Variants in MPPED2 observed in about 807,000 individuals in gnomAD.
MPPED2 encodes metallophosphoesterase MPPED2.
A neutral mutation model predicts 33.0 loss-of-function variants in MPPED2; 5 were observed. The ratio of observed to expected loss-of-function variants is 0.15; its 90% CI spans 0.08 to 0.32. The LOEUF is 0.32. MPPED2 is among the 10% of genes least tolerant of loss of function. The pLI is 1.00. For missense variants in MPPED2, 275 were observed against 372.1 expected, an observed-to-expected ratio of 0.74 and a Z score of 2.15; for synonymous variants, 136 against 141.9, an observed-to-expected ratio of 0.96 and a Z score of 0.29.
At chr11:30,436,911 T>C (rs926980097) in intron 4 of MPPED2, among the ~76,000 whole-genome samples, 1 of 152,160 alleles carries the variant, frequency 6.6e-6, no homozygotes, top group Admixed American at 6.5e-5. Context: ...TAGAGATAAA[T>C]AAAGACATCA....
intron 2 of MPPED2, among the ~76,000 whole-genome samples, chr11:30,579,568 G>A (rs945368909): frequency 1.3e-5 from 2 of 152,246 alleles, no homozygotes; most frequent in Middle Eastern, 3.4e-3. Context: ...CTGGGTTTCT[G>A]CCACACTTTG....
chr11:30,452,424 T>C (rs1282241204), intron 4 of MPPED2, among the ~76,000 whole-genome samples: 2 of 152,242 alleles, frequency 1.3e-5, no homozygotes, highest in Non-Finnish European at 2.9e-5. Context: ...ACTCTGACTT[T>C]CCTTCAGGCG....
chr11:30,519,601 G>T (rs551165451), intron 3 of MPPED2, among the ~76,000 whole-genome samples: 1 of 152,034 alleles, frequency 6.6e-6, no homozygotes, highest in East Asian at 1.9e-4. Context: ...ACATTTTCAG[G>T]CTCTGTGGTT....
chr11:30,464,576 T>A (rs1194582240), intron 4 of MPPED2, among the ~76,000 whole-genome samples: 2 of 152,234 alleles, frequency 1.3e-5, no homozygotes, highest in African/African-American at 4.8e-5. Flanking sequence ...TTTCTAATCA[T>A]CTGGATAAAC....
exon 7 of MPPED2, chr11:30,388,895 A>C (rs1207900876): frequency 1.7e-5 from 27 of 1,563,632 alleles, no homozygotes; most frequent in African/African-American, 2.7e-5. Context: ...TAGACTAGGA[A>C]GTTTTTGAAG....
At chr11:30,469,298 G>C (rs1460312183) in intron 4 of MPPED2, among the ~76,000 whole-genome samples, 1 of 151,990 alleles carries the variant, frequency 6.6e-6, no homozygotes, top group Non-Finnish European at 1.5e-5. Context: ...AATATCAAAA[G>C]TAGTATTGAA....
At chr11:30,481,756 A>G (rs896109240) in intron 4 of MPPED2, among the ~76,000 whole-genome samples, 1 of 152,194 alleles carries the variant, frequency 6.6e-6, no homozygotes, top group Non-Finnish European at 1.5e-5. Context: ...TCTGGGTTTT[A>G]TCATTCAACC....
intron 3 of MPPED2, among the ~76,000 whole-genome samples, chr11:30,510,469 C>T (rs990514422): frequency 1.8e-4 from 28 of 152,208 alleles, no homozygotes; most frequent in Non-Finnish European, 3.5e-4. Flanking sequence ...TACAGCACCT[C>T]TTTTTCATAT....
intron 4 of MPPED2, among the ~76,000 whole-genome samples, chr11:30,434,396 C>A (rs1949225549): frequency 6.6e-6 from 1 of 152,116 alleles, no homozygotes; most frequent in Non-Finnish European, 1.5e-5. Flanking sequence ...CCCTGAACAG[C>A]AGAGGTGAGA....
At chr11:30,572,835 T>C (rs572860977) in intron 2 of MPPED2, among the ~76,000 whole-genome samples, 4 of 152,284 alleles carry the variant, frequency 2.6e-5, no homozygotes, top group South Asian at 2.1e-4. Context: ...CTAAAGAATA[T>C]GACTAATGAT....
chr11:30,515,099 C>T (rs1287547152), intron 3 of MPPED2, among the ~76,000 whole-genome samples: 1 of 152,056 alleles, frequency 6.6e-6, no homozygotes, highest in African/African-American at 2.4e-5. Context: ...TATCTCAAAA[C>T]AAACAAACAA....
intron 2 of MPPED2, among the ~76,000 whole-genome samples, chr11:30,557,843 A>G (rs571384916): frequency 6.6e-6 from 1 of 152,228 alleles, no homozygotes; most frequent in Non-Finnish European, 1.5e-5. Flanking sequence ...TCAAAGAAAC[A>G]TTAGCCTGGT....
chr11:30,418,423 C>T (rs568966041), intron 4 of MPPED2, among the ~76,000 whole-genome samples: 7 of 152,262 alleles, frequency 4.6e-5, no homozygotes, highest in South Asian at 4.2e-4. Flanking sequence ...CATTTCTGAT[C>T]GGTGCTGAAA....
At chr11:30,480,772 T>C (rs1224654760) in intron 4 of MPPED2, among the ~76,000 whole-genome samples, 1 of 152,194 alleles carries the variant, frequency 6.6e-6, no homozygotes, top group African/African-American at 2.4e-5. Flanking sequence ...AGAAAAAAGT[T>C]ATGCATTTCA....
chr11:30,425,644 T>C (rs973558530), intron 4 of MPPED2: 1 of 152,176 alleles, frequency 6.6e-6, no homozygotes, highest in Non-Finnish European at 1.5e-5. Flanking sequence ...CATGACTTGG[T>C]GCTTACATAA....
At position 30,467,595 on chromosome 11, in the gene MPPED2, G is replaced by A. The variant is rs78884660; in HGVS notation, c.536+27701C>T. 7.6e-3 allele frequency among the ~76,000 whole-genome samples: 1,149 copies of A among 152,182 alleles called. 25 individuals carry two copies. Among genetic ancestry groups the A allele is most frequent in the African/African-American group, 0.026 (1,094 of 41,536 alleles). On this transcript the variant is annotated intron_variant, in intron 4 of 6. Transcript: ENST00000358117. Reference sequence around the variant, plus strand: ...TGGCCTGGATCTCCCCCAGGCCCTGGGCTGGGAGCCAAGGTCGAGTGAACC... The same window carrying A: ...TGGCCTGGATCTCCCCCAGGCCCTGAGCTGGGAGCCAAGGTCGAGTGAACC...
intron 2 of MPPED2, among the ~76,000 whole-genome samples, chr11:30,555,150 G>A (rs774162127): frequency 5.9e-5 from 9 of 151,914 alleles, no homozygotes; most frequent in Non-Finnish European, 1.2e-4. Context: ...AACTATTTTA[G>A]TCCATGTCCT....
At chr11:30,404,091 A>G (rs546575513) in intron 6 of MPPED2, among the ~76,000 whole-genome samples, 1 of 152,312 alleles carries the variant, frequency 6.6e-6, no homozygotes, top group African/African-American at 2.4e-5. Context: ...TGCATCCAGG[A>G]GTTATATACC....
chr11:30,527,704 C>T (rs1483369847), intron 3 of MPPED2, among the ~76,000 whole-genome samples: 1 of 152,146 alleles, frequency 6.6e-6, no homozygotes, highest in East Asian at 1.9e-4. Context: ...CACTGTGTCA[C>T]CGTTTTCTCT....
Sources: gnomAD v4.1 joint callset for allele counts (sites outside exome capture counted in the v4.1 genomes callset) on GRCh38, gnomAD v4.1.1 for gene constraint, MANE v1.5 for transcripts, NCBI Gene and HGNC (gene_info 2026-07-23, HGNC 2026-07-21) for gene names.